MBNL1: variants seen among roughly 807,000 people sequenced by gnomAD.
MBNL1 encodes muscleblind like splicing regulator 1.
Under a neutral mutation model 42.2 loss-of-function variants are expected in MBNL1, and 8 were observed. That is an observed-to-expected ratio of 0.19 (90% confidence interval 0.11 to 0.34). MBNL1 has a LOEUF of 0.34. Among genes scored for constraint, MBNL1 ranks in the 10% least tolerant of loss-of-function variants. The pLI is 1.00. For missense variants in MBNL1, 309 were observed against 495.3 expected, an observed-to-expected ratio of 0.62 and a Z score of 3.57; for synonymous variants, 169 against 173.9, an observed-to-expected ratio of 0.97 and a Z score of 0.22.
intron 1 of MBNL1, among the ~76,000 whole-genome samples, chr3:152,293,426 C>T (rs2057063769): frequency 6.6e-6 from 1 of 152,198 alleles, no homozygotes; most frequent in African/African-American, 2.4e-5. Flanking sequence ...ATGGAAATCT[C>T]TGTTAATATT....
intron 2 of MBNL1, chr3:152,338,407 C>G (rs752054031): frequency 5.1e-6 from 5 of 985,370 alleles, no homozygotes; most frequent in Non-Finnish European, 6.0e-6. Flanking sequence ...ATATTCCTCC[C>G]CCTGCTGCTA....
chr3:152,399,163 G>A (rs1347674246), intron 2 of MBNL1, among the ~76,000 whole-genome samples: 1 of 152,138 alleles, frequency 6.6e-6, no homozygotes, highest in African/African-American at 2.4e-5. Flanking sequence ...GAGCACATGA[G>A]AGGTCTCACC....
chr3:152,254,053 G>A (rs1384040183), intron 2 of MBNL1, among the ~76,000 whole-genome samples: 1 of 152,044 alleles, frequency 6.6e-6, no homozygotes, highest in Non-Finnish European at 1.5e-5. Context: ...GAGCATAGTA[G>A]GTGCTCAGTA....
intron 2 of MBNL1, among the ~76,000 whole-genome samples, chr3:152,349,643 T>A (rs1289936522): frequency 6.6e-6 from 1 of 152,132 alleles, no homozygotes; most frequent in African/African-American, 2.4e-5. Context: ...TTAGTTCCTT[T>A]TTTTCATAGC....
intron 4 of MBNL1, among the ~76,000 whole-genome samples, chr3:152,433,358 CT>C (rs1382700404): frequency 5.9e-5 from 9 of 152,138 alleles, no homozygotes; most frequent in Non-Finnish European, 1.3e-4. Context: ...ATATTAGTGT[CT>C]ATAAAACATT....
intron 2 of MBNL1, among the ~76,000 whole-genome samples, chr3:152,329,673 TTA>T (rs927638336): frequency 1.7e-5 from 2 of 120,104 alleles, no homozygotes; most frequent in Non-Finnish European, 3.5e-5. Flanking sequence ...ATATTTTATC[TTA>T]TATATATATA....
intron 9 of MBNL1, 64 bp downstream of exon 9, chr3:152,459,409 A>T: frequency 2.3e-6 from 2 of 870,862 alleles, no homozygotes; most frequent in South Asian, 2.3e-5. Flanking sequence ...TAGCAATTGT[A>T]TAGTGCACTT....
In MBNL1 at chr3:152,262,212, A is replaced by G. The variant is rs1205830019; in HGVS notation, n.333+17772A>G. Among the ~76,000 whole-genome samples, 4 of 152,232 alleles carry G rather than the reference A, an allele frequency of 2.6e-5. No individual in the cohort carries two copies. The East Asian group carries it at 7.7e-4, about 29-fold the overall frequency. ...ATGCCTAAGTTAATATATTAAAATT[A>G]ATTTATGACTGTACTGCTCAGTTCC... On this transcript the variant is annotated intron_variant and non_coding_transcript_variant, in intron 2 of 2. Coordinates refer to the MBNL1 transcript ENST00000477171.
chr3:152,302,941 G>A (rs917153447), intron 2 of MBNL1, among the ~76,000 whole-genome samples: 4 of 151,758 alleles, frequency 2.6e-5, no homozygotes, highest in Admixed American at 2.0e-4. Flanking sequence ...CTTCAGCTGT[G>A]CTGCTTCAGA....
At chr3:152,424,824 G>A (rs2098888314) in intron 3 of MBNL1, among the ~76,000 whole-genome samples, 1 of 152,166 alleles carries the variant, frequency 6.6e-6, no homozygotes, top group Admixed American at 6.5e-5. Flanking sequence ...AATGGGGAAA[G>A]GATTCTGTAT....
At chr3:152,417,589 G>T (rs2153662201) in intron 3 of MBNL1, among the ~76,000 whole-genome samples, 1 of 152,228 alleles carries the variant, frequency 6.6e-6, no homozygotes, top group South Asian at 2.1e-4. Context: ...AGGAGAGAGG[G>T]AGACAGCAAG....
chr3:152,419,528 G>A (rs928135757), intron 3 of MBNL1, among the ~76,000 whole-genome samples: 1 of 152,138 alleles, frequency 6.6e-6, no homozygotes, highest in Non-Finnish European at 1.5e-5. Flanking sequence ...TGCTGTGACG[G>A]ATGGTGCTGT....
intron 2 of MBNL1, among the ~76,000 whole-genome samples, chr3:152,358,387 G>A (rs550605273): frequency 2.6e-5 from 4 of 152,208 alleles, no homozygotes; most frequent in Non-Finnish European, 5.9e-5. Context: ...CTTGAGAATT[G>A]TGTAGTCCTG....
upstream of MBNL1, chr3:152,264,724 T>C (rs1371492289): frequency 6.6e-6 from 1 of 152,178 alleles, no homozygotes; most frequent in Non-Finnish European, 1.5e-5. Flanking sequence ...TGTCTCTCTA[T>C]TGCCAGATCC....
At chr3:152,306,807 A>T (rs2063383349) in intron 2 of MBNL1, among the ~76,000 whole-genome samples, 1 of 152,156 alleles carries the variant, frequency 6.6e-6, no homozygotes, top group African/African-American at 2.4e-5. Flanking sequence ...GCATCTGGGT[A>T]AGGGAGGTGG....
intron 4 of MBNL1, among the ~76,000 whole-genome samples, chr3:152,434,981 A>T (rs552122748): frequency 4.6e-5 from 7 of 152,042 alleles, no homozygotes; most frequent in Non-Finnish European, 1.0e-4. Flanking sequence ...ATTTTCTCCC[A>T]TTCTGTAGGC....
chr3:152,443,798 A>G (rs893557485), intron 4 of MBNL1, among the ~76,000 whole-genome samples: 1 of 152,218 alleles, frequency 6.6e-6, no homozygotes, highest in Non-Finnish European at 1.5e-5. Flanking sequence ...TGATCTTAAT[A>G]ACTGAGTGTA....
chr3:152,316,393 G>A (rs1577711335), intron 2 of MBNL1, among the ~76,000 whole-genome samples: 1 of 152,288 alleles, frequency 6.6e-6, no homozygotes, highest in East Asian at 1.9e-4. Context: ...CTAGTGATCA[G>A]CTATACTAAT....
At chr3:152,268,637 T>G (rs1172643189), upstream of MBNL1, 1 of 410,792 alleles carries the variant, frequency 2.4e-6, no homozygotes, top group South Asian at 1.7e-5. Flanking sequence ...GCCGAGGGGA[T>G]CCACGGCGCC....
Sources: allele counts gnomAD v4.1 joint callset (sites outside exome capture counted in the v4.1 genomes callset), GRCh38; gene constraint gnomAD v4.1.1; transcripts MANE v1.5; gene names NCBI Gene and HGNC (gene_info 2026-07-23, HGNC 2026-07-21).